NKAIN2: variants seen among roughly 807,000 people sequenced by gnomAD.
NKAIN2 encodes sodium/potassium-transporting ATPase subunit beta-1-interacting protein 2.
Under a neutral mutation model 32.6 loss-of-function variants are expected in NKAIN2, and 14 were observed. The observed-to-expected ratio is 0.43, with a 90% confidence interval of 0.28 to 0.67. The LOEUF is 0.67. NKAIN2 is among the 30% of genes least tolerant of loss of function. The pLI, the probability that NKAIN2 is intolerant of heterozygous loss-of-function variation, is 0.17. For synonymous variants in NKAIN2, 80 were observed against 87.2 expected, an observed-to-expected ratio of 0.92 and a Z score of 0.46; for missense variants, 198 against 258.3, an observed-to-expected ratio of 0.77 and a Z score of 1.60.
chr6:124,320,729 A>G (rs932838975), intron 2 of NKAIN2, among the ~76,000 whole-genome samples: 2 of 152,200 alleles, frequency 1.3e-5, no homozygotes, highest in Non-Finnish European at 2.9e-5. Context: ...TTTGATTTAA[A>G]ATGTTTCATC....
At chr6:123,989,359 G>C (rs371395343) in intron 1 of NKAIN2, among the ~76,000 whole-genome samples, 2 of 152,224 alleles carry the variant, frequency 1.3e-5, no homozygotes, top group East Asian at 3.9e-4. Flanking sequence ...GCATATAATT[G>C]AGAAGTAGTT....
chr6:124,731,492 A>T (rs1324971278), intron 4 of NKAIN2, among the ~76,000 whole-genome samples: 1 of 136,640 alleles, frequency 7.3e-6, no homozygotes, highest in African/African-American at 2.7e-5. Flanking sequence ...TCTCACTCAT[A>T]GGTGGGAATT....
At chr6:124,717,406 C>T (rs1583710943) in intron 4 of NKAIN2, among the ~76,000 whole-genome samples, 1 of 152,074 alleles carries the variant, frequency 6.6e-6, no homozygotes, top group East Asian at 1.9e-4. Flanking sequence ...TTGGAAGAAC[C>T]CAGGTAGGTA....
At chr6:124,313,695 G>T (rs1796817378) in intron 2 of NKAIN2, among the ~76,000 whole-genome samples, 1 of 152,050 alleles carries the variant, frequency 6.6e-6, no homozygotes, top group Non-Finnish European at 1.5e-5. Context: ...ATTGATTCTT[G>T]AAATTTCTCC....
intron 3 of NKAIN2, among the ~76,000 whole-genome samples, chr6:124,560,060 G>C (rs1437103863): frequency 6.6e-6 from 1 of 151,958 alleles, no homozygotes; most frequent in Non-Finnish European, 1.5e-5. Context: ...TTATGTTTTT[G>C]AGGTTTGTAT....
At chr6:124,468,975 T>A (rs1402492729) in intron 3 of NKAIN2, among the ~76,000 whole-genome samples, 2 of 152,212 alleles carry the variant, frequency 1.3e-5, no homozygotes, top group Non-Finnish European at 2.9e-5. Context: ...TAAAGCTTTG[T>A]CTACCTTACA....
At chr6:123,861,192 G>A (rs758686668) in intron 1 of NKAIN2, among the ~76,000 whole-genome samples, 2 of 152,152 alleles carry the variant, frequency 1.3e-5, no homozygotes, top group Non-Finnish European at 2.9e-5. Context: ...CTGTCTACTT[G>A]TAATAAATAC....
chr6:124,657,222 C>T (rs1030713706), intron 3 of NKAIN2, among the ~76,000 whole-genome samples: 1 of 152,206 alleles, frequency 6.6e-6, no homozygotes, highest in African/African-American at 2.4e-5. Context: ...GAGTAGTTGG[C>T]ACCTATTATC....
intron 1 of NKAIN2, among the ~76,000 whole-genome samples, chr6:124,217,504 C>A (rs1582866441): frequency 6.6e-6 from 1 of 151,694 alleles, no homozygotes; most frequent in African/African-American, 2.4e-5. Context: ...ACGATCTGTA[C>A]AATGGAAAAT....
At chr6:124,397,647 A>ATT in intron 3 of NKAIN2, among the ~76,000 whole-genome samples, 1 of 151,942 alleles carries the variant, frequency 6.6e-6, no homozygotes, top group South Asian at 2.1e-4. Context: ...AAGAATTTAA[A>ATT]AAAAAACTGT....
At chr6:123,814,385 A>G (rs1413860565) in intron 1 of NKAIN2, among the ~76,000 whole-genome samples, 4 of 152,242 alleles carry the variant, frequency 2.6e-5, no homozygotes, top group Non-Finnish European at 5.9e-5. Flanking sequence ...ACCATTTTAT[A>G]GACTGCCCTG....
intron 1 of NKAIN2, among the ~76,000 whole-genome samples, chr6:123,894,729 CAT>C (rs1334652429): frequency 6.6e-6 from 1 of 151,900 alleles, no homozygotes; most frequent in Non-Finnish European, 1.5e-5. Flanking sequence ...AAAGGAAACT[CAT>C]GTGTCTACAA....
At chr6:124,199,028 A>G (rs1014835655) in intron 1 of NKAIN2, among the ~76,000 whole-genome samples, 7 of 152,310 alleles carry the variant, frequency 4.6e-5, no homozygotes, top group African/African-American at 1.4e-4. Flanking sequence ...ACTTACAAAT[A>G]TATTTGAAGC....
rs548729093 is a variant in NKAIN2 at position 124,193,567 on chromosome 6, G to T, written c.55-89438G>T. On this transcript the variant is annotated intron_variant, in intron 1 of 6. Coordinates refer to ENST00000368417, the MANE Select transcript of NKAIN2 (RefSeq NM_001040214.3). ...AGCTCCTATGTCTGGCTCCCAGAAGGGCCGCAGCTCTTCTCTCCTTGTCAC... is the reference window on the plus strand; with the variant it reads ...AGCTCCTATGTCTGGCTCCCAGAAGTGCCGCAGCTCTTCTCTCCTTGTCAC... Among the ~76,000 whole-genome samples, 10 of 152,234 alleles carry T rather than the reference G, an allele frequency of 6.6e-5. No individual in the cohort carries two copies. The East Asian group carries it at 1.9e-3, about 29-fold the overall frequency.
chr6:124,600,288 C>A (rs1301635923), intron 3 of NKAIN2, among the ~76,000 whole-genome samples: 4 of 151,998 alleles, frequency 2.6e-5, no homozygotes, highest in African/African-American at 9.7e-5. Flanking sequence ...CAAGTGGAAA[C>A]AACTATTTTT....
rs1220462755 is a variant in NKAIN2 at position 124,177,425 on chromosome 6, A to G, written c.55-105580A>G. Reference sequence around the variant, plus strand: ...TGTGACATTTCTGTAAATGACTACCACTGGAATCCTTTTTTGTGGCCCAGG... The same window carrying G: ...TGTGACATTTCTGTAAATGACTACCGCTGGAATCCTTTTTTGTGGCCCAGG... On this transcript the variant is annotated intron_variant, in intron 1 of 6. Transcript: ENST00000368417. Among the ~76,000 whole-genome samples the G allele has an allele frequency of 7.9e-5, 12 of 152,302 alleles. No homozygotes were observed. The East Asian group carries it at 2.1e-3, about 27-fold the overall frequency.
intron 1 of NKAIN2, among the ~76,000 whole-genome samples, chr6:124,033,197 A>G (rs1012105965): frequency 1.3e-5 from 2 of 152,126 alleles, no homozygotes; most frequent in Non-Finnish European, 2.9e-5. Flanking sequence ...CAGGAGTAAC[A>G]TATTGTCTGG....
chr6:124,063,616 A>T (rs1468824872), intron 1 of NKAIN2, among the ~76,000 whole-genome samples: 1 of 152,182 alleles, frequency 6.6e-6, no homozygotes, highest in Non-Finnish European at 1.5e-5. Context: ...AATGAATGAT[A>T]GCTTTTAATA....
intron 3 of NKAIN2, among the ~76,000 whole-genome samples, chr6:124,554,407 A>G (rs487477): frequency 0.99 from 151,036 of 152,320 alleles, 74,891 homozygotes; most frequent in East Asian, 1. Context: ...AATGTTTATC[A>G]AAGAGCCTAA....
Sources: gnomAD v4.1 joint callset for allele counts (sites outside exome capture counted in the v4.1 genomes callset) on GRCh38, gnomAD v4.1.1 for gene constraint, MANE v1.5 for transcripts, NCBI Gene and HGNC (gene_info 2026-07-23, HGNC 2026-07-21) for gene names.